The following CNBD1 variants were observed in gnomAD, a reference collection of about 807,000 sequenced individuals.
CNBD1 encodes cyclic nucleotide-binding domain-containing protein 1.
CNBD1 carries 71 observed loss-of-function variants against 54.4 expected under a neutral mutation model. The ratio of observed to expected loss-of-function variants is 1.30; its 90% CI spans 1.08 to 1.59. CNBD1 has a LOEUF of 1.59. CNBD1 is among the 40% of genes most tolerant of loss of function. The pLI is 0.00. For missense variants in CNBD1, 659 were observed against 518.0 expected, an observed-to-expected ratio of 1.27 and a Z score of -2.64; for synonymous variants, 182 against 170.7, an observed-to-expected ratio of 1.07 and a Z score of -0.51.
intron 1 of CNBD1, among the ~76,000 whole-genome samples, chr8:86,880,759 G>A (rs529466576): frequency 1.2e-4 from 18 of 150,880 alleles, no homozygotes; most frequent in Admixed American, 7.9e-4. Flanking sequence ...TTTATGAACA[G>A]CAATGAAAAA....
intron 4 of CNBD1, among the ~76,000 whole-genome samples, chr8:87,201,411 C>T (rs1333406873): frequency 1.3e-5 from 2 of 152,024 alleles, no homozygotes; most frequent in East Asian, 3.9e-4. Context: ...AAGTAAAAGT[C>T]ATCAGAATGG....
intron 4 of CNBD1, among the ~76,000 whole-genome samples, chr8:87,186,500 A>G (rs558141754): frequency 2.0e-5 from 3 of 152,144 alleles, no homozygotes; most frequent in Non-Finnish European, 4.4e-5. Context: ...AAACTTCTCC[A>G]AAGTTAAAAG....
chr8:86,898,137 T>C (rs555515436), intron 2 of CNBD1, among the ~76,000 whole-genome samples: 1 of 152,272 alleles, frequency 6.6e-6, no homozygotes, highest in Admixed American at 6.5e-5. Context: ...ATATGGTATA[T>C]CTTTTGTATA....
At chr8:87,128,920 TAAAAAAAAA>T (rs71277914) in intron 4 of CNBD1, among the ~76,000 whole-genome samples, 1 of 126,358 alleles carries the variant, frequency 7.9e-6, no homozygotes, top group African/African-American at 3.0e-5. Flanking sequence ...CGTCTCCACT[TAAAAAAAAA>T]AAAAAAAATT....
intron 8 of CNBD1, among the ~76,000 whole-genome samples, chr8:87,331,296 A>G (rs1469428171): frequency 6.6e-6 from 1 of 152,128 alleles, no homozygotes; most frequent in Non-Finnish European, 1.5e-5. Context: ...CCCACTTATG[A>G]GTGAGAACAT....
intron 6 of CNBD1, among the ~76,000 whole-genome samples, chr8:87,260,213 C>T (rs1219382591): frequency 6.6e-6 from 1 of 152,122 alleles, no homozygotes; most frequent in African/African-American, 2.4e-5. Flanking sequence ...TAATTACGAC[C>T]TGAACCCTAA....
intron 6 of CNBD1, among the ~76,000 whole-genome samples, chr8:87,257,983 A>G (rs1218461190): frequency 6.6e-6 from 1 of 152,166 alleles, no homozygotes; most frequent in Non-Finnish European, 1.5e-5. Context: ...AATCCCATAC[A>G]ATTTTGAAAC....
chr8:87,341,408 GA>G (rs1252008820), intron 8 of CNBD1, among the ~76,000 whole-genome samples: 4 of 152,132 alleles, frequency 2.6e-5, no homozygotes, highest in Non-Finnish European at 5.9e-5. Flanking sequence ...TCCCTAGGGG[GA>G]AACTGGTTGC....
At chr8:87,295,322 A>C (rs1244199115) in intron 8 of CNBD1, among the ~76,000 whole-genome samples, 1 of 152,038 alleles carries the variant, frequency 6.6e-6, no homozygotes, top group Non-Finnish European at 1.5e-5. Context: ...GAAAGTATAT[A>C]GTTTAATTTC....
At chr8:86,974,323 T>C (rs572653274) in intron 4 of CNBD1, among the ~76,000 whole-genome samples, 23 of 152,224 alleles carry the variant, frequency 1.5e-4, no homozygotes, top group African/African-American at 5.5e-4. Flanking sequence ...ATCCATACAA[T>C]TACTTTGAGA....
At chr8:87,138,837 A>G (rs965868852) in intron 4 of CNBD1, among the ~76,000 whole-genome samples, 1 of 152,230 alleles carries the variant, frequency 6.6e-6, no homozygotes, top group Non-Finnish European at 1.5e-5. Flanking sequence ...TAAAGGATTC[A>G]CGATAAAGCC....
At chr8:87,306,871 A>C (rs775233436) in intron 8 of CNBD1, among the ~76,000 whole-genome samples, 32 of 152,290 alleles carry the variant, frequency 2.1e-4, no homozygotes, top group Non-Finnish European at 3.8e-4. Flanking sequence ...GAACTTAATC[A>C]TATAACCAAA....
chr8:87,307,877 A>G (rs956839369), intron 8 of CNBD1, among the ~76,000 whole-genome samples: 1 of 151,938 alleles, frequency 6.6e-6, no homozygotes, highest in Non-Finnish European at 1.5e-5. Context: ...ACAATAAACA[A>G]AATAATTTAT....
chr8:87,305,279 A>T (rs1221452148), intron 8 of CNBD1, among the ~76,000 whole-genome samples: 1 of 152,146 alleles, frequency 6.6e-6, no homozygotes, highest in East Asian at 1.9e-4. Flanking sequence ...AATGGAAACA[A>T]ATCCCATGCT....
At chr8:87,348,866 A>G (rs368337592) in intron 8 of CNBD1, among the ~76,000 whole-genome samples, 62 of 152,334 alleles carry the variant, frequency 4.1e-4, no homozygotes, top group African/African-American at 1.5e-3. Flanking sequence ...ATGATAAACA[A>G]CAGAAAGAAA....
intron 5 of CNBD1, among the ~76,000 whole-genome samples, chr8:87,227,298 G>C (rs1388303893): frequency 3.4e-5 from 5 of 145,744 alleles, no homozygotes; most frequent in African/African-American, 1.0e-4. Flanking sequence ...GTTAGCTGGT[G>C]ATTTTGCTCG....
intron 4 of CNBD1, among the ~76,000 whole-genome samples, chr8:87,005,502 G>T (rs1809080047): frequency 6.6e-6 from 1 of 151,994 alleles, no homozygotes; most frequent in African/African-American, 2.4e-5. Context: ...ATTGACTGCT[G>T]TCACTCACAT....
intron 4 of CNBD1, among the ~76,000 whole-genome samples, chr8:87,070,189 G>A (rs115483024): frequency 3.0e-3 from 454 of 152,112 alleles, no homozygotes; most frequent in African/African-American, 0.01. Context: ...ATCCTGCTCC[G>A]TTCACTTGTT....
In CNBD1 at chr8:87,063,746, T is replaced by C. The variant is rs187044490; in HGVS notation, c.431+123992T>C. On this transcript the variant is annotated intron_variant, in intron 4 of 10. Coordinates refer to ENST00000518476, the MANE Select transcript of CNBD1 (RefSeq NM_173538.3). Reference sequence around the variant, plus strand: ...ATTGAGTCTTCCAATCCAAGTTTATTCATCCATTTATTTAAAACTTCAAAA... The same window carrying C: ...ATTGAGTCTTCCAATCCAAGTTTATCCATCCATTTATTTAAAACTTCAAAA... Among the ~76,000 whole-genome samples the C allele has an allele frequency of 3.7e-4, 57 of 152,208 alleles. 1 individual carries two copies. In the East Asian group the frequency reaches 9.3e-3, roughly 25 times the overall value.
Sources: gnomAD v4.1 joint callset for allele counts (sites outside exome capture counted in the v4.1 genomes callset) on GRCh38, gnomAD v4.1.1 for gene constraint, MANE v1.5 for transcripts, NCBI Gene and HGNC (gene_info 2026-07-23, HGNC 2026-07-21) for gene names.